Variants in DLG2 observed in about 807,000 individuals in gnomAD.
The protein encoded by DLG2 is disks large homolog 2.
A neutral mutation model predicts 132.5 loss-of-function variants in DLG2; 45 were observed. That is an observed-to-expected ratio of 0.34 (90% CI 0.27 to 0.44). The LOEUF (loss-of-function observed/expected upper bound fraction) is 0.44. DLG2 is among the 20% of genes least tolerant of loss of function. The pLI, the probability that DLG2 is intolerant of heterozygous loss-of-function variation, is 1.00. For missense variants in DLG2, 1,045 were observed against 1,196.9 expected, an observed-to-expected ratio of 0.87 and a Z score of 1.87; for synonymous variants, 424 against 419.6, an observed-to-expected ratio of 1.01 and a Z score of -0.13.
At chr11:85,361,845 AT>A (rs1204110322) in intron 3 of DLG2, among the ~76,000 whole-genome samples, 1 of 152,124 alleles carries the variant, frequency 6.6e-6, no homozygotes. Context: ...GGAAAATGAC[AT>A]TGGTAATTTG....
chr11:83,570,727 A>G (rs1276848003), intron 19 of DLG2, among the ~76,000 whole-genome samples: 1 of 152,246 alleles, frequency 6.6e-6, no homozygotes, highest in South Asian at 2.1e-4. Flanking sequence ...GGGGAGGAGG[A>G]AGATTCATAA....
intron 3 of DLG2, among the ~76,000 whole-genome samples, chr11:85,454,170 T>C (rs2092343917): frequency 6.6e-6 from 1 of 151,090 alleles, no homozygotes; most frequent in Non-Finnish European, 1.5e-5. Flanking sequence ...ACCACGTGTA[T>C]AAGCATTCCC....
intron 7 of DLG2, among the ~76,000 whole-genome samples, chr11:84,484,492 A>T (rs898561076): frequency 6.6e-6 from 1 of 152,182 alleles, no homozygotes; most frequent in African/African-American, 2.4e-5. Context: ...GAGGGTTATC[A>T]TTTGGCTCCC....
intron 7 of DLG2, among the ~76,000 whole-genome samples, chr11:84,422,425 T>A (rs2098953970): frequency 6.6e-6 from 1 of 152,214 alleles, no homozygotes; most frequent in African/African-American, 2.4e-5. Context: ...AGCAATGGTG[T>A]CAATCCTCTT....
At chr11:85,191,520 C>T (rs1413868132) in intron 4 of DLG2, among the ~76,000 whole-genome samples, 4 of 152,130 alleles carry the variant, frequency 2.6e-5, no homozygotes, top group Non-Finnish European at 5.9e-5. Flanking sequence ...TACTGACACG[C>T]TCTCAGAAGA....
intron 7 of DLG2, among the ~76,000 whole-genome samples, chr11:84,397,897 C>T (rs1601418949): frequency 6.6e-6 from 1 of 152,170 alleles, no homozygotes; most frequent in Admixed American, 6.5e-5. Flanking sequence ...GGAGAAAAGG[C>T]TTTTGTCAGT....
chr11:85,165,670 A>T (rs1014279212), intron 4 of DLG2, among the ~76,000 whole-genome samples: 2 of 152,170 alleles, frequency 1.3e-5, no homozygotes, highest in Admixed American at 1.3e-4. Context: ...TCCTGATTTC[A>T]ACAAATTTAA....
intron 3 of DLG2, among the ~76,000 whole-genome samples, chr11:85,412,612 T>C (rs569038096): frequency 3.2e-4 from 49 of 151,488 alleles, no homozygotes; most frequent in Non-Finnish European, 5.2e-4. Flanking sequence ...AGTGAGAACA[T>C]ATGATGTTTG....
intron 18 of DLG2, among the ~76,000 whole-genome samples, chr11:83,706,747 G>C (rs1566627782): frequency 6.6e-6 from 1 of 152,176 alleles, no homozygotes; most frequent in Non-Finnish European, 1.5e-5. Flanking sequence ...GTCCAGTTTT[G>C]TGCATGCCAG....
chr11:84,914,030 T>C (rs1230813504), intron 6 of DLG2, among the ~76,000 whole-genome samples: 1 of 152,202 alleles, frequency 6.6e-6, no homozygotes, highest in Non-Finnish European at 1.5e-5. Flanking sequence ...AAGTACTCCT[T>C]GAAAAATGAA....
At chr11:83,519,209 A>G (rs751248347) in intron 21 of DLG2, among the ~76,000 whole-genome samples, 14 of 152,216 alleles carry the variant, frequency 9.2e-5, no homozygotes, top group Non-Finnish European at 1.5e-4. Context: ...GTAGAGAAAC[A>G]GTGGTGAGAG....
At chr11:85,540,585 T>G (rs1229001989) in intron 3 of DLG2, among the ~76,000 whole-genome samples, 1 of 152,238 alleles carries the variant, frequency 6.6e-6, no homozygotes, top group Non-Finnish European at 1.5e-5. Flanking sequence ...TGATTCAATT[T>G]TTCTGGTACA....
chr11:83,576,245 C>G (rs1010878583), intron 19 of DLG2, among the ~76,000 whole-genome samples: 4 of 151,958 alleles, frequency 2.6e-5, no homozygotes, highest in Middle Eastern at 3.2e-3. Context: ...AAAAATAATT[C>G]TAAAGAATGA....
chr11:85,465,588 G>A (rs12288531), intron 3 of DLG2, among the ~76,000 whole-genome samples: 1 of 152,020 alleles, frequency 6.6e-6, no homozygotes, highest in Admixed American at 6.6e-5. Flanking sequence ...AGTTTGCTGA[G>A]AGTGATGGTT....
chr11:83,838,784 CA>C (rs56885281), intron 16 of DLG2, among the ~76,000 whole-genome samples: 134 of 134,900 alleles, frequency 9.9e-4, no homozygotes, highest in Middle Eastern at 3.7e-3. Flanking sequence ...TGTTCCCAGA[CA>C]AAAAAAAAAA....
intron 9 of DLG2, among the ~76,000 whole-genome samples, chr11:84,133,370 GACAA>G (rs1357780638): frequency 3.3e-5 from 5 of 151,970 alleles, no homozygotes; most frequent in Non-Finnish European, 7.4e-5. Context: ...TTAGGATAGT[GACAA>G]ACAAAGAAAC....
At chr11:85,371,058 C>T (rs1191711946) in intron 3 of DLG2, among the ~76,000 whole-genome samples, 2 of 152,036 alleles carry the variant, frequency 1.3e-5, no homozygotes, top group South Asian at 2.1e-4. Flanking sequence ...TATTCACAGA[C>T]AATTGTCTTG....
chr11:84,396,902 T>C (rs1428595895), intron 7 of DLG2, among the ~76,000 whole-genome samples: 7 of 152,176 alleles, frequency 4.6e-5, no homozygotes, highest in African/African-American at 1.2e-4. Flanking sequence ...TTTCTGAGAA[T>C]AGCTTAAGGT....
At chr11:85,601,574 T>A (rs2080165563) in intron 2 of DLG2, among the ~76,000 whole-genome samples, 1 of 152,062 alleles carries the variant, frequency 6.6e-6, no homozygotes, top group Admixed American at 6.6e-5. Flanking sequence ...CTCTTGACCT[T>A]GTGATCCACC....
Sources: gnomAD v4.1 joint callset for allele counts (sites outside exome capture counted in the v4.1 genomes callset) on GRCh38, gnomAD v4.1.1 for gene constraint, MANE v1.5 for transcripts, NCBI Gene and HGNC (gene_info 2026-07-23, HGNC 2026-07-21) for gene names.